The following HS6ST3 variants were observed in gnomAD, a reference collection of about 807,000 sequenced individuals.
HS6ST3 encodes the protein heparan-sulfate 6-O-sulfotransferase 3.
A neutral mutation model predicts 36.7 loss-of-function variants in HS6ST3; 12 were observed. The observed-to-expected ratio is 0.33, with a 90% CI of 0.21 to 0.53. The LOEUF (loss-of-function observed/expected upper bound fraction) is 0.53. Among genes scored for constraint, HS6ST3 ranks in the 20% least tolerant of loss-of-function variants. HS6ST3 has a pLI of 0.95. For missense variants in HS6ST3, 584 were observed against 640.9 expected, an observed-to-expected ratio of 0.91 and a Z score of 0.96; for synonymous variants, 240 against 257.5, an observed-to-expected ratio of 0.93 and a Z score of 0.65.
chr13:96,609,129 C>G (rs2056448962), intron 1 of HS6ST3, among the ~76,000 whole-genome samples: 2 of 151,208 alleles, frequency 1.3e-5, no homozygotes, highest in Admixed American at 1.3e-4. Flanking sequence ...GCCACCACGC[C>G]CAGCTAATTT....
intron 1 of HS6ST3, among the ~76,000 whole-genome samples, chr13:96,143,225 G>T (rs140183990): frequency 0.018 from 2,786 of 151,794 alleles, 32 homozygotes; most frequent in South Asian, 0.052. Flanking sequence ...ATAAGAAAAT[G>T]AACTCTAAAA....
intron 1 of HS6ST3, among the ~76,000 whole-genome samples, chr13:96,103,512 A>T (rs138794459): frequency 1.9e-3 from 292 of 152,354 alleles, no homozygotes; most frequent in African/African-American, 6.8e-3. Context: ...GCAAGCGTAA[A>T]TAAATTTACT....
chr13:96,709,315 C>T (rs980778519), intron 1 of HS6ST3, among the ~76,000 whole-genome samples: 2 of 152,148 alleles, frequency 1.3e-5, no homozygotes, highest in African/African-American at 4.8e-5. Context: ...TCAGGCATTT[C>T]TTTATAGCAG....
Position 96,090,805 on chromosome 13 carries a change from C to G in HS6ST3, c.-58C>G. 1 of 1,395,594 alleles carries G rather than the reference C, an allele frequency of 7.2e-7. No individual in the cohort carries two copies. The highest frequency in any genetic ancestry group is 9.4e-7 in the Non-Finnish European group (1 of 1,067,770). The allele number at this position is 1,395,594 out of a possible 1,614,324, so 86.5% of individuals were successfully genotyped here. On this transcript the variant is annotated 5_prime_UTR_variant, in exon 1 of 2. Coordinates refer to ENST00000376705, the MANE Select transcript of HS6ST3 (RefSeq NM_153456.4). The stretch of plus-strand genomic sequence containing the variant: ...GTCCGCGAAACTTCCGAGCGGGCGC[C>G]CGTCCGCCCTGCCGCCGCCGCCGCC...
chr13:96,682,529 A>G (rs1453459460), intron 1 of HS6ST3, among the ~76,000 whole-genome samples: 2 of 152,140 alleles, frequency 1.3e-5, no homozygotes, highest in African/African-American at 4.8e-5. Context: ...TTTTGACTCC[A>G]AAGGCCACCA....
At chr13:96,236,479 A>AC (rs1288589224) in intron 1 of HS6ST3, among the ~76,000 whole-genome samples, 3 of 151,236 alleles carry the variant, frequency 2.0e-5, no homozygotes, top group African/African-American at 4.9e-5. Context: ...CACCTCTGCC[A>AC]CTCTCTCTTC....
chr13:96,279,468 C>A (rs142164420), intron 1 of HS6ST3, among the ~76,000 whole-genome samples: 12 of 152,142 alleles, frequency 7.9e-5, no homozygotes, highest in African/African-American at 2.9e-4. Flanking sequence ...ATAAGTGATA[C>A]GAAGGAGCAA....
At chr13:96,662,005 C>T (rs1240251081) in intron 1 of HS6ST3, among the ~76,000 whole-genome samples, 1 of 151,986 alleles carries the variant, frequency 6.6e-6, no homozygotes, top group Non-Finnish European at 1.5e-5. Context: ...TAATTTGATG[C>T]TTCTCTCTTA....
chr13:96,646,513 A>G (rs1050544555), intron 1 of HS6ST3, among the ~76,000 whole-genome samples: 1 of 152,088 alleles, frequency 6.6e-6, no homozygotes, highest in Non-Finnish European at 1.5e-5. Context: ...GTTATAAAAT[A>G]TAATTCATTT....
chr13:96,387,149 C>T (rs767790540), intron 1 of HS6ST3, among the ~76,000 whole-genome samples: 1 of 152,136 alleles, frequency 6.6e-6, no homozygotes, highest in Non-Finnish European at 1.5e-5. Context: ...GAAAAGGAGC[C>T]ATGATATAGC....
At chr13:96,455,252 G>A (rs1357727490) in intron 1 of HS6ST3, among the ~76,000 whole-genome samples, 2 of 152,124 alleles carry the variant, frequency 1.3e-5, no homozygotes, top group African/African-American at 2.4e-5. Context: ...TTTAGACAGC[G>A]TCTCACTCTG....
At chr13:96,243,591 G>GTCTAATGACAATAATGAT (rs1302158671) in intron 1 of HS6ST3, among the ~76,000 whole-genome samples, 6 of 152,302 alleles carry the variant, frequency 3.9e-5, no homozygotes, top group Non-Finnish European at 8.8e-5. Flanking sequence ...GCTGCTGTGT[G>GTCTAATGACAATAATGAT]TGTCATTAGA....
chr13:96,132,138 A>T (rs1468336574), intron 1 of HS6ST3, among the ~76,000 whole-genome samples: 4 of 144,312 alleles, frequency 2.8e-5, no homozygotes, highest in African/African-American at 1.1e-4. Flanking sequence ...ACACACACAC[A>T]CACACACACA....
chr13:96,195,479 A>G (rs747654581), intron 1 of HS6ST3, among the ~76,000 whole-genome samples: 1 of 152,176 alleles, frequency 6.6e-6, no homozygotes, highest in African/African-American at 2.4e-5. Context: ...ACAGCCCTAC[A>G]TATCTTCAAG....
intron 1 of HS6ST3, among the ~76,000 whole-genome samples, chr13:96,136,709 A>G (rs190424672): frequency 0.021 from 2,941 of 142,816 alleles, 94 homozygotes; most frequent in African/African-American, 0.073. Flanking sequence ...ATATATATAT[A>G]TATATATATA....
chr13:96,813,517 T>G (rs1334344468), intron 1 of HS6ST3, among the ~76,000 whole-genome samples: 1 of 152,186 alleles, frequency 6.6e-6, no homozygotes, highest in Non-Finnish European at 1.5e-5. Flanking sequence ...AATAAAAGCT[T>G]TATGTCTTTC....
intron 1 of HS6ST3, among the ~76,000 whole-genome samples, chr13:96,411,152 A>G (rs1453221272): frequency 1.3e-5 from 2 of 152,210 alleles, no homozygotes. Context: ...TTAGGATTTA[A>G]TGAATAAAAG....
At chr13:96,622,003 A>G (rs927776287) in intron 1 of HS6ST3, among the ~76,000 whole-genome samples, 4 of 56,026 alleles carry the variant, frequency 7.1e-5, no homozygotes, top group African/African-American at 2.0e-4. Context: ...GCTATGTGCA[A>G]AGGGTGTAAC....
At chr13:96,466,319 G>C (rs953890885) in intron 1 of HS6ST3, among the ~76,000 whole-genome samples, 1 of 152,020 alleles carries the variant, frequency 6.6e-6, no homozygotes, top group Non-Finnish European at 1.5e-5. Flanking sequence ...CAAATTTCAA[G>C]TGTACAATTC....
Sources: gnomAD v4.1 joint callset for allele counts (sites outside exome capture counted in the v4.1 genomes callset) on GRCh38, gnomAD v4.1.1 for gene constraint, MANE v1.5 for transcripts, NCBI Gene and HGNC (gene_info 2026-07-23, HGNC 2026-07-21) for gene names.